ZNF646: variants seen among roughly 807,000 people sequenced by gnomAD.
ZNF646 encodes zinc finger protein 646.
ZNF646 carries 49 observed loss-of-function variants against 115.4 expected under a neutral mutation model. That is an observed-to-expected ratio of 0.42 (90% confidence interval 0.34 to 0.54). ZNF646 has a LOEUF of 0.54. Ranked by LOEUF, ZNF646 falls within the 20% of genes least tolerant of loss-of-function variation. ZNF646 has a pLI of 0.04. For missense variants in ZNF646, 2,269 were observed against 2,457.9 expected (o/e 0.92, Z 1.62); for synonymous variants, 933 against 939.0 (o/e 0.99, Z 0.12).
At position 31,077,097 on chromosome 16, in the gene ZNF646, G is replaced by T. The variant is rs748476249; in HGVS notation, c.773G>T (p.Arg258Leu). 2 of 1,613,996 alleles carry T rather than the reference G, an allele frequency of 1.2e-6. No homozygotes were observed. The highest frequency in any genetic ancestry group is 8.5e-7 in the Non-Finnish European group (1 of 1,180,034). ...CACGCCGGGAGCCTCACCAACCACC[G>T]CCAGAGCCACACGCTGGGCATCTAC... ...YKHAGSLTNH[R>L]QSHTLGIYPC... Residue 258 changes from arginine (R) to leucine (L), a missense_variant, in exon 2 of 3, where the codon CGC (arginine) becomes CTC (leucine). This residue lies in a region of ZNF646 where 19 missense variants were observed against 44.9 expected (regional missense o/e 0.42). Transcript: ENST00000300850.
Position 31,079,841 on chromosome 16 carries a change from G to A in ZNF646, c.3517G>A (p.Glu1173Lys). 1 of 1,613,786 alleles carries A rather than the reference G, an allele frequency of 6.2e-7. No homozygotes were observed. The highest frequency in any genetic ancestry group is 8.5e-7 in the Non-Finnish European group (1 of 1,179,844). Residue 1173 changes from glutamate (E) to lysine (K), a missense_variant, in exon 2 of 3, where the codon GAG becomes AAG. This residue lies in a region of ZNF646 where 1,062 missense variants were observed against 1,172.8 expected (regional missense o/e 0.91). Coordinates refer to ENST00000300850, the MANE Select transcript of ZNF646 (RefSeq NM_014699.4). The surrounding 1 kb of genome is among the most constrained non-coding windows in gnomAD (Gnocchi z 5.5). ...GGCCAGGGTGAAAGAAGAGGTGTGG[G>A]AGGAGACCACTGTGAAGGGGGAGGA... ...EVARVKEEVW[E>K]ETTVKGEEIE...
chr16:31,081,273 G>C lies in ZNF646; in HGVS notation c.4949G>C (p.Arg1650Thr). 3 of 1,609,280 alleles carry C rather than the reference G, an allele frequency of 1.9e-6. No homozygotes were observed. Among genetic ancestry groups the C allele is most frequent in the Non-Finnish European group, 2.5e-6 (3 of 1,177,052 alleles). Residue 1650 changes from arginine (R) to threonine (T), a missense_variant, in exon 2 of 3, where the codon AGA becomes ACA. Physicochemically the swap from Arg to Thr is moderately conservative, Grantham distance 71. Coordinates refer to ENST00000300850, the MANE Select transcript of ZNF646 (RefSeq NM_014699.4). ...CAGGAGGCCCCATCAGAAACCCCCA[G>C]AGGCCCAGGAGAGAGTGTGGAGAGA... ...KAQEAPSETPRGPGESVERAR... is the reference protein window; with the variant it reads ...KAQEAPSETPTGPGESVERAR...
Position 31,081,034 on chromosome 16 carries a change from G to A in ZNF646, c.4710G>A (p.Val1570=). The A allele has an allele frequency of 1.2e-6, 2 of 1,613,924 alleles. No individual in the cohort carries two copies. The highest frequency in any genetic ancestry group is 1.7e-6 in the Non-Finnish European group (2 of 1,180,016). ...GCTCCAAGGAGTTCTTAAATCCTGTGGCCACAAAGAGCCACAGCCACAACC... is the reference window on the plus strand; with the variant it reads ...GCTCCAAGGAGTTCTTAAATCCTGTAGCCACAAAGAGCCACAGCCACAACC... ...LLCSKEFLNP[V]ATKSHSHNHI... is the part of the protein sequence containing the mutation. The change falls in exon 2 of 3, where the codon GTG becomes GTA. Residue 1570 remains valine, a synonymous_variant. Transcript: ENST00000300850.
chr16:31,082,843 C>T, intron 2 of ZNF646, 128 bp from the exon 3 acceptor site: 1 of 1,283,224 alleles, frequency 7.8e-7, no homozygotes, highest in African/African-American at 1.6e-5. Flanking sequence ...ATTAGGAGGC[C>T]TAGAATCCCT....
Position 31,077,166 on chromosome 16 carries a change from T to C in ZNF646, c.842T>C (p.Leu281Pro). The stretch of plus-strand genomic sequence containing the variant: ...AAGGAGTTCTCTAACCTCATGGCTC[T>C]GAAGAACCACTCTCGACTGCATGCC... ...CFKEFSNLMA[L>P]KNHSRLHAQY... Residue 281 changes from leucine to proline, a missense_variant, in exon 2 of 3, where the codon CTG becomes CCG. Leu to Pro is a moderately conservative substitution (Grantham distance 98). Coordinates refer to ENST00000300850, the MANE Select transcript of ZNF646 (RefSeq NM_014699.4). The C allele has an allele frequency of 6.2e-7, 1 of 1,614,188 alleles. No homozygotes were observed. Among genetic ancestry groups the C allele is most frequent in the Non-Finnish European group, 8.5e-7 (1 of 1,180,036 alleles).
chr16:31,075,329 G>T (rs960072658), intron 1 of ZNF646, among the ~76,000 whole-genome samples: 1 of 152,074 alleles, frequency 6.6e-6, no homozygotes, highest in Admixed American at 6.5e-5. Context: ...ATGGAGTCTC[G>T]CTCTGTCACC....
In ZNF646 at chr16:31,083,375, C is replaced by G. The variant is rs1364389718; in HGVS notation, c.*283C>G. The G allele has an allele frequency of 2.8e-6, 3 of 1,088,884 alleles. No individual in the cohort carries two copies. The highest frequency in any genetic ancestry group is 4.5e-5 in the South Asian group (2 of 44,644). The allele number at this position is 1,088,884 out of a possible 1,614,324, so 67.5% of individuals were successfully genotyped here. ...GGGAGAGGCGGATGCAGAGCCCCAC[C>G]GGTGGGAAAGTTGCCTGTGGAAGGG... is the stretch of plus-strand genomic sequence containing the variant. On this transcript the variant is annotated 3_prime_UTR_variant, in exon 3 of 3. Transcript: ENST00000300850.
chr16:31,080,490 CAGAA>C lies in ZNF646; in HGVS notation c.4169_4172del (p.Glu1390GlyfsTer20), dbSNP rs1355367487. 1 of 1,613,664 alleles carries C rather than the reference CAGAA, an allele frequency of 6.2e-7. No individual in the cohort carries two copies. Among genetic ancestry groups the C allele is most frequent in the East Asian group, 2.2e-5 (1 of 44,882 alleles). On this transcript the variant is annotated frameshift_variant, in exon 2 of 3. Coordinates refer to ENST00000300850, the MANE Select transcript of ZNF646 (RefSeq NM_014699.4). LOFTEE classifies it high-confidence loss of function. Reference sequence around the variant, plus strand: ...CGGCACCTGCGGGAGCATGAGGAGACAGAAAGGGAGCCAGCCAATGGCCAGGGAG... The same window carrying C: ...CGGCACCTGCGGGAGCATGAGGAGACAGGGAGCCAGCCAATGGCCAGGGAG...
Position 31,078,136 on chromosome 16 carries a change from T to C in ZNF646, c.1812T>C (p.Asn604=), listed in dbSNP as rs936328921. 1 of 1,613,856 alleles carries C rather than the reference T, an allele frequency of 6.2e-7. No individual in the cohort carries two copies. Among genetic ancestry groups the C allele is most frequent in the Non-Finnish European group, 8.5e-7 (1 of 1,179,984 alleles). ...GLTHGAGEKE[N]SRTETTMSPP... is the part of the protein sequence containing the mutation. ...CTCATGGGGCAGGGGAAAAGGAAAA[T>C]AGCAGAACAGAGACCACAATGTCAC... Residue 604 remains asparagine (N), a synonymous_variant, in exon 2 of 3, where the codon AAT becomes AAC. Transcript: ENST00000300850.
In ZNF646 at chr16:31,081,510, C is replaced by T. The variant is rs2057157723; in HGVS notation, c.5186C>T (p.Pro1729Leu). ...AACCACAGCAGGACCCACACGGACC[C>T]CAAGCGCCACTGCTGCAGCATCTGT... is the stretch of plus-strand genomic sequence containing the variant. Reference protein sequence around the residue: ...LKNHSRTHTDPKRHCCSICGK... With the variant: ...LKNHSRTHTDLKRHCCSICGK... Residue 1729 changes from proline (P) to leucine (L), a missense_variant, in exon 2 of 3, where the codon CCC (proline) becomes CTC (leucine). Transcript: ENST00000300850. The T allele has an allele frequency of 1.9e-6, 3 of 1,614,176 alleles. No homozygotes were observed. Among genetic ancestry groups the T allele is most frequent in the Non-Finnish European group, 2.5e-6 (3 of 1,180,030 alleles).
Position 31,077,846 on chromosome 16 carries a change from C to T in ZNF646, c.1522C>T (p.Arg508Cys), listed in dbSNP as rs754434298. ...PRKYPNLMAL[R>C]NHVRVHCKAA... ...CAAGTACCCCAATCTCATGGCCCTGCGCAACCACGTGCGGGTACATTGCAA... is the reference window on the plus strand; with the variant it reads ...CAAGTACCCCAATCTCATGGCCCTGTGCAACCACGTGCGGGTACATTGCAA... The change falls in exon 2 of 3, where the codon CGC becomes TGC. Residue 508 changes from arginine (R) to cysteine (C), a missense_variant. Physicochemically the swap from Arg to Cys is radical, Grantham distance 180. Coordinates refer to ENST00000300850, the MANE Select transcript of ZNF646 (RefSeq NM_014699.4). 11 of 1,613,692 alleles carry T rather than the reference C, an allele frequency of 6.8e-6. No homozygotes were observed. The highest frequency in any genetic ancestry group is 4.5e-5 in the East Asian group (2 of 44,892).
rs763514478 is a variant in ZNF646 at position 31,079,083 on chromosome 16, A to C, written c.2759A>C (p.Glu920Ala). 1 of 1,576,156 alleles carries C rather than the reference A, an allele frequency of 6.3e-7. No individual in the cohort carries two copies. The highest frequency in any genetic ancestry group is 8.6e-7 in the Non-Finnish European group (1 of 1,157,550). Residue 920 changes from glutamate to alanine, a missense_variant, in exon 2 of 3, where the codon GAA becomes GCA. Transcript: ENST00000300850. This position sits in a 1 kb window ranked among gnomAD's most constrained non-coding sequence, Gnocchi z 5.5. ...TEGSEEEGEE[E>A]GVAEAAPARS... ...GGCTCAGAGGAGGAGGGGGAAGAGG[A>C]AGGAGTGGCAGAGGCAGCCCCTGCA...
At position 31,077,293 on chromosome 16, in the gene ZNF646, A is replaced by G; in HGVS notation, c.969A>G (p.Pro323=). The change falls in exon 2 of 3, where the codon CCA becomes CCG. Residue 323 remains proline (P), a synonymous_variant. Coordinates refer to ENST00000300850, the MANE Select transcript of ZNF646 (RefSeq NM_014699.4). ...QQSHEGERQE[P]RWEEKGMPTT... is the part of the protein sequence containing the mutation. ...CCCATGAGGGTGAAAGGCAGGAGCC[A>G]CGCTGGGAGGAGAAAGGGATGCCCA... 1 of 1,614,020 alleles carries G rather than the reference A, an allele frequency of 6.2e-7. No individual in the cohort carries two copies. Among genetic ancestry groups the G allele is most frequent in the Non-Finnish European group, 8.5e-7 (1 of 1,179,990 alleles).
Position 31,083,992 on chromosome 16 carries a change from CA to C in ZNF646, c.*903del. ...GATGACAAAGAACCAGAATCTGAAT[CA>C]AATGGGTCTGCCTGTTGCTCCACCC... On this transcript the variant is annotated 3_prime_UTR_variant, in exon 3 of 3. Transcript: ENST00000300850. 6.7e-7 allele frequency: 1 copy of C among 1,498,234 alleles called. No individual in the cohort carries two copies. The highest frequency in any genetic ancestry group is 8.9e-7 in the Non-Finnish European group (1 of 1,119,052). The allele number at this position is 1,498,234 out of a possible 1,614,324, so 92.8% of individuals were successfully genotyped here.
rs759533185 is a variant in ZNF646, at chr16:31,078,637, C to A, written c.2313C>A (p.Asn771Lys). 3.1e-6 allele frequency: 5 copies of A among 1,614,050 alleles called. No individual in the cohort carries two copies. Among genetic ancestry groups the A allele is most frequent in the Non-Finnish European group, 4.2e-6 (5 of 1,180,006 alleles). Residue 771 changes from asparagine (N) to lysine (K), a missense_variant, in exon 2 of 3, where the codon AAC (asparagine) becomes AAA (lysine). By Grantham distance (94) the Asn-to-Lys change is moderately conservative. Transcript: ENST00000300850. ...LERKDASLLD[N>K]LDIPGEEGGG... is the part of the protein sequence containing the mutation. ...GGAAGGATGCCAGTTTACTTGACAA[C>A]TTGGACATCCCAGGTGAGGAAGGTG...
chr16:31,077,424 G>T lies in ZNF646; in HGVS notation c.1100G>T (p.Gly367Val), dbSNP rs2057092421. The change falls in exon 2 of 3, where the codon GGC becomes GTC. Residue 367 changes from glycine to valine, a missense_variant. Coordinates refer to ENST00000300850, the MANE Select transcript of ZNF646 (RefSeq NM_014699.4). ...ACCTCTGGGGAGCTGGAGGACAGTG[G>T]CCTGGAGGAATACCGGCCTTTCCGC... ...LSTSGELEDS[G>V]LEEYRPFRCG... 1.9e-6 allele frequency: 3 copies of T among 1,612,974 alleles called. No homozygotes were observed. The highest frequency in any genetic ancestry group is 1.7e-6 in the Non-Finnish European group (2 of 1,179,840).
rs1421222401 is a variant in ZNF646 at position 31,080,393 on chromosome 16, G to A, written c.4069G>A (p.Gly1357Arg). The A allele has an allele frequency of 6.2e-7, 1 of 1,613,118 alleles. No homozygotes were observed. Among genetic ancestry groups the A allele is most frequent in the Non-Finnish European group, 8.5e-7 (1 of 1,179,832 alleles). ...LHSENRRRRAGRSRRTAVRCA... is the reference protein window; with the variant it reads ...LHSENRRRRARRSRRTAVRCA... ...CTCAGAGAATCGGCGGCGACGGGCT[G>A]GACGGTCCAGGCGCACAGCTGTGCG... Residue 1357 changes from glycine to arginine, a missense_variant, in exon 2 of 3, where the codon GGA becomes AGA. Around this residue, in one of 5 missense-constraint regions of ZNF646, gnomAD observed 1,062 missense variants for 1,172.8 expected, o/e 0.91. Transcript: ENST00000300850.
In ZNF646 at chr16:31,076,338, C is replaced by A. The variant is rs778454085; in HGVS notation, c.14C>A (p.Pro5His). The A allele has an allele frequency of 4.3e-6, 7 of 1,610,244 alleles. No homozygotes were observed. The highest frequency in any genetic ancestry group is 5.9e-6 in the Non-Finnish European group (7 of 1,177,570). Residue 5 changes from proline (P) to histidine (H), a missense_variant, in exon 2 of 3, where the codon CCC becomes CAC. By Grantham distance (77) the Pro-to-His change is moderately conservative (BLOSUM62 -2). Transcript: ENST00000300850. ...CTACGTTGCCCCATGGAGGACACAC[C>A]CCCCTCACTCAGCTGCTCCGACTGT... MEDTPPSLSCSDCQR... is the reference protein window; with the variant it reads MEDTHPSLSCSDCQR...
Position 31,079,172 on chromosome 16 carries a change from G to C in ZNF646, c.2848G>C (p.Ala950Pro). The C allele has an allele frequency of 6.2e-7, 1 of 1,612,770 alleles. No homozygotes were observed. The highest frequency in any genetic ancestry group is 8.5e-7 in the Non-Finnish European group (1 of 1,179,524). The change falls in exon 2 of 3, where the codon GCG becomes CCG. Residue 950 changes from alanine to proline, a missense_variant. By Grantham distance (27) the Ala-to-Pro change is conservative (BLOSUM62 -1). This residue lies in a region of ZNF646 where 852 missense variants were observed against 900.2 expected (regional missense o/e 0.95). Transcript: ENST00000300850. This position sits in a 1 kb window ranked among gnomAD's most constrained non-coding sequence, Gnocchi z 5.5. ...GAATCAGCTGCAGCGGGAGGTGGAA[G>C]CGCTGGACAGTGCAGGGTATGGGCA... ...LLNQLQREVE[A>P]LDSAGYGHIC...
Sources: gnomAD v4.1 joint callset for allele counts (sites outside exome capture counted in the v4.1 genomes callset) on GRCh38, gnomAD v4.1.1 for gene constraint, gnomAD v4.1.1 regional missense constraint, Gnocchi (gnomAD v3.1) non-coding constraint, MANE v1.5 for transcripts, NCBI Gene and HGNC (gene_info 2026-07-23, HGNC 2026-07-21) for gene names.